SREBF2: variants seen among roughly 807,000 people sequenced by gnomAD.
SREBF2 encodes sterol regulatory element binding transcription factor 2.
SREBF2 carries 55 observed loss-of-function variants against 113.1 expected under a neutral mutation model. The ratio of observed to expected loss-of-function variants is 0.49; its 90% confidence interval spans 0.39 to 0.61. SREBF2 has a LOEUF of 0.61. Among genes scored for constraint, SREBF2 ranks in the 20% least tolerant of loss-of-function variants. The pLI is 0.00. For synonymous variants in SREBF2, 593 were observed against 605.7 expected (o/e 0.98, Z 0.31); for missense variants, 1,349 against 1,487.4 (o/e 0.91, Z 1.53).
chr22:41,906,127 G>A lies in SREBF2; in HGVS notation c.*467G>A, dbSNP rs1014480484. 2 of 396,880 alleles carry A rather than the reference G, an allele frequency of 5.0e-6. No individual in the cohort carries two copies. Among genetic ancestry groups the A allele is most frequent in the African/African-American group, 2.1e-5 (1 of 48,300 alleles). 24.6% of individuals were successfully genotyped at this position (396,880 alleles called of 1,614,324 possible). A position where few individuals can be genotyped will look rare whatever the true frequency, so the allele number is the denominator to read the frequency against. On this transcript the variant is annotated 3_prime_UTR_variant, in exon 19 of 19. Transcript: ENST00000361204. ...ACGAATGTTTTCTACCAGTGTGCTT[G>A]GGTTTGCCATGATGCGAGGCTGAGT... is the stretch of plus-strand genomic sequence containing the variant.
Position 41,906,151 on chromosome 22 carries a change from G to C in SREBF2, c.*491G>C, listed in dbSNP as rs897857388. 7.9e-6 allele frequency: 3 copies of C among 378,588 alleles called. No homozygotes were observed. Among genetic ancestry groups the C allele is most frequent in the African/African-American group, 6.3e-5 (3 of 47,500 alleles). The allele number at this position is 378,588 out of a possible 1,614,324, so 23.5% of individuals were successfully genotyped here. On this transcript the variant is annotated 3_prime_UTR_variant, in exon 19 of 19. Transcript: ENST00000361204. ...TGGGTTTGCCATGATGCGAGGCTGA[G>C]TTGCTGTAGCGTCTTGATTCTCTCC...
chr22:41,850,346 G>A (rs2076916654), intron 1 of SREBF2, among the ~76,000 whole-genome samples: 2 of 151,964 alleles, frequency 1.3e-5, no homozygotes, highest in Admixed American at 1.3e-4. Flanking sequence ...CTACTCAGGA[G>A]GGTGAGGCAG....
intron 1 of SREBF2, among the ~76,000 whole-genome samples, chr22:41,859,796 AT>A (rs1250099373): frequency 1.2e-4 from 11 of 89,036 alleles, no homozygotes; most frequent in South Asian, 3.8e-4. Flanking sequence ...GGATATGGTG[AT>A]TCTTTTTTTT....
intron 4 of SREBF2, among the ~76,000 whole-genome samples, chr22:41,871,979 A>G (rs2077148237): frequency 6.7e-6 from 1 of 148,352 alleles, no homozygotes; most frequent in Non-Finnish European, 1.5e-5. Context: ...CACCGGGCGC[A>G]GTGGCTCACA....
At chr22:41,871,886 G>A (rs1236596905) in intron 4 of SREBF2, among the ~76,000 whole-genome samples, 15 of 133,038 alleles carry the variant, frequency 1.1e-4, no homozygotes, top group African/African-American at 2.3e-4. Context: ...ATGACAGAAC[G>A]AGACTGACTC....
At chr22:41,884,379 C>G (rs550744839) in intron 10 of SREBF2, among the ~76,000 whole-genome samples, 1 of 152,170 alleles carries the variant, frequency 6.6e-6, no homozygotes, top group African/African-American at 2.4e-5. Context: ...TTAAGTGATC[C>G]GCCGGCCTTG....
At chr22:41,872,869 G>C (rs2077159115) in intron 4 of SREBF2, among the ~76,000 whole-genome samples, 1 of 151,088 alleles carries the variant, frequency 6.6e-6, no homozygotes, top group Admixed American at 6.6e-5. Context: ...CCAGCTTTTG[G>C]GCAACAGAGT....
Position 41,867,029 on chromosome 22 carries a change from CA to C in SREBF2, c.288del (p.Leu97TyrfsTer54). On this transcript the variant is annotated frameshift_variant, in exon 2 of 19. Transcript: ENST00000361204. LOFTEE classifies it high-confidence loss of function. ...PSVQRSFTQVTLPSFSPSAAS... is the reference protein window; with the variant it reads ...PSVQRSFTQVXLPSFSPSAAS... ...GTGCAACGGTCATTCACCCAGGTCACATTACCTTCCTTCTCTCCCTCGGCGG... is the reference window on the plus strand; with the variant it reads ...GTGCAACGGTCATTCACCCAGGTCACTTACCTTCCTTCTCTCCCTCGGCGG... The C allele has an allele frequency of 6.2e-7, 1 of 1,614,192 alleles. No homozygotes were observed. The highest frequency in any genetic ancestry group is 8.5e-7 in the Non-Finnish European group (1 of 1,180,046).
chr22:41,874,530 T>G (rs2077175108), intron 5 of SREBF2, among the ~76,000 whole-genome samples: 1 of 152,268 alleles, frequency 6.6e-6, no homozygotes, highest in East Asian at 1.9e-4. Flanking sequence ...TATCTATGTT[T>G]AAACCCTATT....
At chr22:41,867,941 A>G (rs2077101678) in intron 2 of SREBF2, among the ~76,000 whole-genome samples, 1 of 152,246 alleles carries the variant, frequency 6.6e-6, no homozygotes, top group Non-Finnish European at 1.5e-5. Flanking sequence ...AGAACTATTC[A>G]TTCAGCAAAC....
Position 41,870,944 on chromosome 22 carries a change from A to G in SREBF2, c.776A>G (p.Lys259Arg). 1 of 1,614,166 alleles carries G rather than the reference A, an allele frequency of 6.2e-7. No individual in the cohort carries two copies. The highest frequency in any genetic ancestry group is 8.5e-7 in the Non-Finnish European group (1 of 1,180,038). Residue 259 changes from lysine to arginine, a missense_variant, in exon 4 of 19, where the codon AAG (lysine) becomes AGG (arginine). Physicochemically the swap from Lys to Arg is conservative, Grantham distance 26 (BLOSUM62 2). Transcript: ENST00000361204. ...GATTCCCTTGTTTTGACCACACTGAAGACAGATGGCAGCCCTGTTATGGCT... is the reference window on the plus strand; with the variant it reads ...GATTCCCTTGTTTTGACCACACTGAGGACAGATGGCAGCCCTGTTATGGCT... The part of the protein sequence containing the change: ...KTDSLVLTTL[K>R]TDGSPVMAAV...
chr22:41,904,308 T>G (rs1039491256), intron 17 of SREBF2, among the ~76,000 whole-genome samples: 2 of 152,180 alleles, frequency 1.3e-5, no homozygotes, highest in Non-Finnish European at 2.9e-5. Context: ...GACTGAGATA[T>G]AAAGGCATCA....
chr22:41,890,885 G>GT (rs1297435966), intron 11 of SREBF2, among the ~76,000 whole-genome samples: 1 of 151,660 alleles, frequency 6.6e-6, no homozygotes, highest in Non-Finnish European at 1.5e-5. Context: ...TCCAGCCTGG[G>GT]TGACAGAGCA....
chr22:41,866,548 C>T (rs1045484553), intron 1 of SREBF2, among the ~76,000 whole-genome samples: 9 of 152,070 alleles, frequency 5.9e-5, no homozygotes, highest in East Asian at 1.9e-4. Flanking sequence ...AGGAAGACTC[C>T]GTCTCAAAAA....
intron 1 of SREBF2, among the ~76,000 whole-genome samples, chr22:41,849,945 T>A (rs59507366): frequency 0.31 from 47,013 of 151,064 alleles, 7,950 homozygotes; most frequent in Admixed American, 0.49. Flanking sequence ...GAGACCATCC[T>A]GACTAACATG....
At chr22:41,904,536 C>T (rs1484428646) in intron 17 of SREBF2, 2 of 554,382 alleles carry the variant, frequency 3.6e-6, no homozygotes, top group South Asian at 3.1e-5. Context: ...AAACTGCAGG[C>T]AGCCTCCAGG....
At chr22:41,904,656 C>G (rs1294169180) in intron 17 of SREBF2, 1 of 709,080 alleles carries the variant, frequency 1.4e-6, no homozygotes, top group East Asian at 2.7e-5. Context: ...CTCCTCTCAT[C>G]CTGCTCCTGC....
In SREBF2 at chr22:41,905,966, T is replaced by G. The variant is rs1409083140; in HGVS notation, c.*306T>G. Reference sequence around the variant, plus strand: ...AGCCCCTGCCTCCAGCCTTCCTGAGTTTCTCTCTCCTGAACCCTACTCTCT... The same window carrying G: ...AGCCCCTGCCTCCAGCCTTCCTGAGGTTCTCTCTCCTGAACCCTACTCTCT... On this transcript the variant is annotated 3_prime_UTR_variant, in exon 19 of 19. Transcript: ENST00000361204. 4.9e-6 allele frequency: 3 copies of G among 606,076 alleles called. No homozygotes were observed. Among genetic ancestry groups the G allele is most frequent in the Non-Finnish European group, 9.3e-6 (3 of 323,610 alleles). 37.5% of individuals were successfully genotyped at this position (606,076 alleles called of 1,614,324 possible). A position where few individuals can be genotyped will look rare whatever the true frequency, so the allele number is the denominator to read the frequency against.
intron 17 of SREBF2, 115 bp from the exon 18 acceptor site, chr22:41,904,748 T>C: frequency 1.2e-6 from 1 of 824,372 alleles, no homozygotes; most frequent in Non-Finnish European, 2.1e-6. Context: ...CAAGGCAGGG[T>C]GGTGTGGGAA....
Sources: allele counts gnomAD v4.1 joint callset (sites outside exome capture counted in the v4.1 genomes callset), GRCh38; gene constraint gnomAD v4.1.1; transcripts MANE v1.5; gene names NCBI Gene and HGNC (gene_info 2026-07-23, HGNC 2026-07-21).